Variants in TRPC5 observed in about 807,000 individuals in gnomAD.
TRPC5 encodes the protein short transient receptor potential channel 5.
Under a neutral mutation model 56.5 loss-of-function variants are expected in TRPC5, and 9 were observed. The observed-to-expected ratio is 0.16, with a 90% CI of 0.10 to 0.28. The LOEUF (loss-of-function observed/expected upper bound fraction) is 0.28. Ranked by LOEUF, TRPC5 falls within the 10% of genes least tolerant of loss-of-function variation. TRPC5 has a pLI of 1.00. For synonymous variants in TRPC5, 282 were observed against 278.5 expected (o/e 1.01, Z -0.13); for missense variants, 469 against 748.9 (o/e 0.63, Z 4.36).
At chrX:111,982,797 C>T (rs1055116547) in intron 1 of TRPC5, among the ~76,000 whole-genome samples, 1 of 111,099 alleles carries the variant, frequency 9.0e-6, no homozygotes. Flanking sequence ...GAGCAGGAAA[C>T]AAAAATCTTG....
intron 1 of TRPC5, among the ~76,000 whole-genome samples, chrX:112,011,147 G>A (rs902928745): frequency 9.0e-6 from 1 of 111,702 alleles, no homozygotes; most frequent in African/African-American, 3.3e-5. Flanking sequence ...TTCATCAACT[G>A]GGATGGGGCT....
chrX:111,805,084 CT>C (rs1468216323), intron 7 of TRPC5, among the ~76,000 whole-genome samples: 1 of 111,783 alleles, frequency 8.9e-6, no homozygotes, highest in African/African-American at 3.3e-5. Context: ...TCTTGAAGGC[CT>C]TTTCTGCATC....
chrX:112,040,477 A>G (rs1264069393), intron 1 of TRPC5, among the ~76,000 whole-genome samples: 1 of 111,720 alleles, frequency 9.0e-6, no homozygotes, highest in East Asian at 2.8e-4. Flanking sequence ...ATAAATACGC[A>G]TGTCACACAT....
chrX:112,067,633 C>T (rs1312817475), intron 1 of TRPC5, among the ~76,000 whole-genome samples: 1 of 111,749 alleles, frequency 8.9e-6, no homozygotes, highest in East Asian at 2.8e-4. Flanking sequence ...AAGAGCCTTG[C>T]CCTCTGCCAA....
chrX:112,016,022 C>T (rs1750952525), intron 1 of TRPC5, among the ~76,000 whole-genome samples: 1 of 111,288 alleles, frequency 9.0e-6, no homozygotes, highest in South Asian at 3.8e-4. Flanking sequence ...CAAAACAAAG[C>T]CACCCTTAAT....
At chrX:111,990,010 A>C (rs962162168) in intron 1 of TRPC5, among the ~76,000 whole-genome samples, 2 of 112,534 alleles carry the variant, frequency 1.8e-5, no homozygotes, top group Non-Finnish European at 3.8e-5. Context: ...GTAGTGTTCT[A>C]TTCCGAATTA....
At chrX:111,848,556 C>G (rs768752270) in intron 5 of TRPC5, among the ~76,000 whole-genome samples, 5 of 112,322 alleles carry the variant, frequency 4.5e-5, no homozygotes, top group Non-Finnish European at 9.4e-5. Flanking sequence ...CACAATTTCT[C>G]AGGACTAAAT....
chrX:111,945,509 A>G (rs1926911879), intron 2 of TRPC5, among the ~76,000 whole-genome samples: 1 of 110,622 alleles, frequency 9.0e-6, no homozygotes, highest in African/African-American at 3.3e-5. Context: ...ACCGACATAC[A>G]TAGACACACA....
At chrX:111,847,929 C>T (rs777945538) in intron 5 of TRPC5, among the ~76,000 whole-genome samples, 25 of 111,435 alleles carry the variant, frequency 2.2e-4, no homozygotes, top group Non-Finnish European at 4.1e-4. Flanking sequence ...GCAGCCTTCT[C>T]GGTATGCAGT....
intron 7 of TRPC5, among the ~76,000 whole-genome samples, chrX:111,801,347 T>C (rs979155205): frequency 1.8e-5 from 2 of 112,288 alleles, no homozygotes; most frequent in African/African-American, 3.2e-5. Context: ...TGAATAATTC[T>C]CCTATGAGTA....
chrX:112,003,601 T>C (rs114510575), intron 1 of TRPC5, among the ~76,000 whole-genome samples: 10,308 of 110,184 alleles, frequency 0.094, 773 homozygotes, highest in African/African-American at 0.26. Flanking sequence ...TGCAAGGTTG[T>C]AGGAGGTTTA....
At chrX:111,893,088 T>C (rs1397012460) in intron 3 of TRPC5, among the ~76,000 whole-genome samples, 6 of 109,021 alleles carry the variant, frequency 5.5e-5, no homozygotes, top group African/African-American at 1.3e-4. Flanking sequence ...GGTTTTTTTT[T>C]TTTTTTTCGG....
chrX:111,930,888 G>C lies in TRPC5; in HGVS notation c.379-18076C>G, dbSNP rs141087038. 4.7e-3 allele frequency: 553 copies of C among 117,440 alleles called. 8 individuals are homozygous for C. The highest frequency in any genetic ancestry group is 0.017 in the African/African-American group (513 of 30,903). 9.7% of individuals were successfully genotyped at this position (117,440 alleles called of 1,213,427 possible). On this transcript the variant is annotated intron_variant, in intron 2 of 10. Transcript: ENST00000262839. Reference sequence around the variant, plus strand: ...GGCATGCATGCCAATGGAGGATGAGGGATAGGGCCCCAATCACCCTGGAAG... The same window carrying C: ...GGCATGCATGCCAATGGAGGATGAGCGATAGGGCCCCAATCACCCTGGAAG...
At chrX:111,914,738 A>G (rs1925924613) in intron 2 of TRPC5, among the ~76,000 whole-genome samples, 1 of 112,181 alleles carries the variant, frequency 8.9e-6, no homozygotes, top group South Asian at 3.7e-4. Context: ...AGGAAAGAGT[A>G]ATCTCAGAAA....
intron 1 of TRPC5, among the ~76,000 whole-genome samples, chrX:112,067,306 A>G (rs1174914603): frequency 8.9e-6 from 1 of 112,607 alleles, no homozygotes; most frequent in East Asian, 2.8e-4. Flanking sequence ...TCTTACTCTG[A>G]CTGCCACCCC....
intron 1 of TRPC5, among the ~76,000 whole-genome samples, chrX:112,003,776 G>A (rs1928762442): frequency 9.0e-6 from 1 of 111,210 alleles, no homozygotes; most frequent in Non-Finnish European, 1.9e-5. Flanking sequence ...CAAGAGGGGA[G>A]CAATGAGAAA....
At chrX:111,814,774 C>T (rs1485125309) in intron 7 of TRPC5, among the ~76,000 whole-genome samples, 3 of 110,818 alleles carry the variant, frequency 2.7e-5, no homozygotes, top group Non-Finnish European at 5.7e-5. Context: ...GGGGTCACTG[C>T]TCTGACCATT....
At chrX:111,830,956 T>C (rs923108112) in intron 7 of TRPC5, among the ~76,000 whole-genome samples, 8 of 112,527 alleles carry the variant, frequency 7.1e-5, no homozygotes, top group African/African-American at 2.6e-4. Flanking sequence ...TTTTGCCACA[T>C]AATACAACAC....
chrX:111,996,052 T>C (rs1008783358), intron 1 of TRPC5, among the ~76,000 whole-genome samples: 2 of 110,996 alleles, frequency 1.8e-5, no homozygotes, highest in Admixed American at 9.6e-5. Flanking sequence ...CTCTTGCTTC[T>C]CTAGTTCTTT....
Sources: gnomAD v4.1 joint callset for allele counts (sites outside exome capture counted in the v4.1 genomes callset) on GRCh38, gnomAD v4.1.1 for gene constraint, MANE v1.5 for transcripts, NCBI Gene and HGNC (gene_info 2026-07-23, HGNC 2026-07-21) for gene names.